The following PALM2AKAP2 variants were observed in gnomAD, a reference collection of about 807,000 sequenced individuals.
PALM2AKAP2 encodes PALM2-AKAP2 fusion protein.
PALM2AKAP2 carries 37 observed loss-of-function variants against 71.5 expected under a neutral mutation model. The observed-to-expected ratio is 0.52, with a 90% CI of 0.40 to 0.68. PALM2AKAP2 has a LOEUF of 0.68. Among genes scored for constraint, PALM2AKAP2 ranks in the 30% least tolerant of loss-of-function variants. The pLI is 0.00. For synonymous variants in PALM2AKAP2, 468 were observed against 478.8 expected (o/e 0.98, Z 0.29); for missense variants, 1,224 against 1,191.8 (o/e 1.03, Z -0.40).
intron 1 of PALM2AKAP2, among the ~76,000 whole-genome samples, chr9:109,785,536 G>T (rs1001283605): frequency 2.0e-5 from 3 of 152,146 alleles, no homozygotes; most frequent in Non-Finnish European, 4.4e-5. Flanking sequence ...AGGTTTAATG[G>T]ACTTATAGTT....
intron 6 of PALM2AKAP2, among the ~76,000 whole-genome samples, chr9:109,997,746 C>A (rs1046782271): frequency 6.6e-6 from 1 of 152,174 alleles, no homozygotes; most frequent in Non-Finnish European, 1.5e-5. Flanking sequence ...TCATAGCTAT[C>A]CTAAGGAAGA....
chr9:109,891,762 A>T (rs1041418841), intron 3 of PALM2AKAP2, among the ~76,000 whole-genome samples: 11 of 152,092 alleles, frequency 7.2e-5, no homozygotes, highest in Admixed American at 2.0e-4. Flanking sequence ...AAGTGCTGGG[A>T]TTACAGGTGT....
chr9:109,860,201 T>A (rs1829273599), intron 1 of PALM2AKAP2, among the ~76,000 whole-genome samples: 1 of 152,100 alleles, frequency 6.6e-6, no homozygotes, highest in African/African-American at 2.4e-5. Context: ...ACCTCTTCAA[T>A]TTTTTTTATG....
At chr9:109,756,678 AATTT>A (rs1828968795) in intron 1 of PALM2AKAP2, among the ~76,000 whole-genome samples, 1 of 152,126 alleles carries the variant, frequency 6.6e-6, no homozygotes, top group African/African-American at 2.4e-5. Context: ...AACTGTAGTT[AATTT>A]CTCCCCAGAA....
At chr9:110,014,851 T>TATACAC (rs1564260745) in intron 6 of PALM2AKAP2, among the ~76,000 whole-genome samples, 1 of 89,536 alleles carries the variant, frequency 1.1e-5, no homozygotes, top group Non-Finnish European at 2.2e-5. Flanking sequence ...TATATATATA[T>TATACAC]ACACACACAC....
intron 1 of PALM2AKAP2, among the ~76,000 whole-genome samples, chr9:109,730,619 G>A (rs183402254): frequency 1.2e-4 from 18 of 152,130 alleles, no homozygotes; most frequent in Non-Finnish European, 1.0e-4. Flanking sequence ...TTTGGATTTG[G>A]CTTAAGAAAT....
At chr9:109,857,399 A>G (rs766563206) in intron 1 of PALM2AKAP2, among the ~76,000 whole-genome samples, 1 of 152,252 alleles carries the variant, frequency 6.6e-6, no homozygotes, top group Non-Finnish European at 1.5e-5. Context: ...GGTTCACCAG[A>G]CATTGCTGAA....
chr9:109,835,338 G>A (rs1828438789), intron 1 of PALM2AKAP2, among the ~76,000 whole-genome samples: 1 of 148,366 alleles, frequency 6.7e-6, no homozygotes, highest in Admixed American at 6.7e-5. Flanking sequence ...GAGGGTGGAG[G>A]GATAGAGGAA....
chr9:109,809,838 G>A (rs1339110089), intron 1 of PALM2AKAP2, among the ~76,000 whole-genome samples: 3 of 152,204 alleles, frequency 2.0e-5, no homozygotes, highest in Non-Finnish European at 4.4e-5. Flanking sequence ...TCATTATAGT[G>A]AGTGAGTTGG....
intron 2 of PALM2AKAP2, among the ~76,000 whole-genome samples, chr9:110,142,566 G>C (rs573098861): frequency 6.6e-6 from 1 of 152,336 alleles, no homozygotes; most frequent in South Asian, 2.1e-4. Flanking sequence ...ACAGAGACCT[G>C]TAGGAGCACA....
chr9:109,867,602 T>C, intron 2 of PALM2AKAP2, 31 bp downstream of exon 2: 1 of 1,602,242 alleles, frequency 6.2e-7, no homozygotes, highest in Non-Finnish European at 8.5e-7. Flanking sequence ...ACCTATTCCA[T>C]TATTAGACAT....
intron 6 of PALM2AKAP2, among the ~76,000 whole-genome samples, chr9:109,932,808 G>A (rs747835781): frequency 1.3e-5 from 2 of 152,202 alleles, no homozygotes; most frequent in Non-Finnish European, 2.9e-5. Context: ...TACAACATAG[G>A]TGACTTCAAA....
intron 2 of PALM2AKAP2, among the ~76,000 whole-genome samples, chr9:110,145,358 G>T (rs1276814513): frequency 6.6e-6 from 1 of 152,202 alleles, no homozygotes; most frequent in African/African-American, 2.4e-5. Context: ...TAGCCTAGCT[G>T]CTCTTGTGAG....
At chr9:110,055,698 G>A (rs1337995342) in intron 1 of PALM2AKAP2, among the ~76,000 whole-genome samples, 1 of 152,190 alleles carries the variant, frequency 6.6e-6, no homozygotes, top group Non-Finnish European at 1.5e-5. Flanking sequence ...TGCAGAGTAT[G>A]GATAAACAGT....
chr9:109,779,863 G>A (rs925094554), upstream of PALM2AKAP2, among the ~76,000 whole-genome samples: 1 of 152,162 alleles, frequency 6.6e-6, no homozygotes, highest in African/African-American at 2.4e-5. Context: ...GTAACAGCAC[G>A]TGCTCGGGTC....
chr9:109,981,478 G>T (rs1703548639), intron 6 of PALM2AKAP2, among the ~76,000 whole-genome samples: 1 of 152,170 alleles, frequency 6.6e-6, no homozygotes, highest in Admixed American at 6.5e-5. Context: ...TAGCTGAGCT[G>T]CTCACCTGGT....
intron 7 of PALM2AKAP2, among the ~76,000 whole-genome samples, chr9:110,029,601 G>A (rs1833242809): frequency 6.6e-6 from 1 of 152,198 alleles, no homozygotes; most frequent in Non-Finnish European, 1.5e-5. Context: ...GTCAGAGCCT[G>A]TCTGCAGATA....
chr9:109,814,377 C>T (rs1027510049), intron 1 of PALM2AKAP2, among the ~76,000 whole-genome samples: 8 of 152,100 alleles, frequency 5.3e-5, no homozygotes, highest in South Asian at 2.1e-4. Context: ...AAGTACAGGG[C>T]GAGACATACT....
At chr9:110,024,815 TG>T (rs964483517) in intron 7 of PALM2AKAP2, 6 of 670,850 alleles carry the variant, frequency 8.9e-6, no homozygotes, top group Non-Finnish European at 1.6e-5. Context: ...GCCAGTGTCT[TG>T]GGTTTTTTGT....
Sources: allele counts gnomAD v4.1 joint callset (sites outside exome capture counted in the v4.1 genomes callset), GRCh38; gene constraint gnomAD v4.1.1; transcripts MANE v1.5; gene names NCBI Gene and HGNC (gene_info 2026-07-23, HGNC 2026-07-21).